Variants in COL22A1 observed in about 807,000 individuals in gnomAD.
COL22A1 encodes the protein collagen alpha-1(XXII) chain.
A neutral mutation model predicts 248.9 loss-of-function variants in COL22A1; 221 were observed. The ratio of observed to expected loss-of-function variants is 0.89; its 90% CI spans 0.80 to 0.99. The LOEUF is 0.99. Ranked by LOEUF, COL22A1 falls within the 50% of genes least tolerant of loss-of-function variation. COL22A1 has a pLI of 0.00. For synonymous variants in COL22A1, 891 were observed against 793.4 expected (o/e 1.12, Z -2.07); for missense variants, 2,240 against 2,179.0 (o/e 1.03, Z -0.56).
chr8:138,602,880 G>T (rs964561072), intron 59 of COL22A1, among the ~76,000 whole-genome samples: 11 of 152,148 alleles, frequency 7.2e-5, no homozygotes, highest in African/African-American at 2.7e-4. Flanking sequence ...CCATTCTCAC[G>T]CATGGGTTAC....
In COL22A1 at chr8:138,753,242, G is replaced by A. The variant is rs78518864; in HGVS notation, c.2032-1731C>T. Among the ~76,000 whole-genome samples, 1,378 of 152,314 alleles carry A rather than the reference G, an allele frequency of 9.0e-3. 23 individuals carry two copies. The highest frequency in any genetic ancestry group is 0.031 in the African/African-American group (1,295 of 41,568). On this transcript the variant is annotated intron_variant, in intron 21 of 64. Transcript: ENST00000303045. ...CGCAGGGCTAGCTCTACAAGCGTGT[G>A]TTAAGTTCCCACCATGTGATAAACC...
chr8:138,619,977 C>G (rs1442940268), intron 52 of COL22A1: 2 of 174,126 alleles, frequency 1.1e-5, no homozygotes, highest in East Asian at 3.1e-4. Flanking sequence ...CACACCTAAG[C>G]GGATGCTCTT....
chr8:138,839,440 C>T (rs992922811), intron 4 of COL22A1, among the ~76,000 whole-genome samples: 1 of 152,118 alleles, frequency 6.6e-6, no homozygotes, highest in African/African-American at 2.4e-5. Context: ...GGAGAAATAC[C>T]ATCTGGTTTC....
intron 11 of COL22A1, among the ~76,000 whole-genome samples, chr8:138,800,819 G>A (rs1392150852): frequency 6.6e-6 from 1 of 152,162 alleles, no homozygotes; most frequent in Non-Finnish European, 1.5e-5. Context: ...GTGACAGCAC[G>A]TGTCCTAAAG....
intron 35 of COL22A1, among the ~76,000 whole-genome samples, chr8:138,693,140 G>A (rs991598912): frequency 6.6e-6 from 1 of 152,182 alleles, no homozygotes; most frequent in African/African-American, 2.4e-5. Context: ...AGCCCCACGG[G>A]GATCAAATAC....
chr8:138,771,132 G>A (rs1476583938), intron 16 of COL22A1, among the ~76,000 whole-genome samples: 1 of 152,184 alleles, frequency 6.6e-6, no homozygotes, highest in East Asian at 1.9e-4. Flanking sequence ...CTCTAGCCAC[G>A]GCCACGTCAC....
At chr8:138,672,935 G>A (rs934744954) in intron 41 of COL22A1, among the ~76,000 whole-genome samples, 1 of 152,168 alleles carries the variant, frequency 6.6e-6, no homozygotes, top group Non-Finnish European at 1.5e-5. Flanking sequence ...GCCTAAGGAG[G>A]CTCATTTTGT....
chr8:138,878,434 C>T (rs552028727), intron 2 of COL22A1, 118 bp from the exon 3 acceptor site: 3 of 886,792 alleles, frequency 3.4e-6, no homozygotes, highest in East Asian at 2.9e-5. Context: ...TGCCCTGTCT[C>T]TCATGACCCA....
chr8:138,765,119 C>T (rs1038070060), intron 16 of COL22A1, among the ~76,000 whole-genome samples: 7 of 152,184 alleles, frequency 4.6e-5, no homozygotes, highest in Non-Finnish European at 1.0e-4. Context: ...CAAGCACCAA[C>T]AAGAAATGAG....
chr8:138,837,283 C>A (rs1051185501), intron 4 of COL22A1, among the ~76,000 whole-genome samples: 2 of 152,210 alleles, frequency 1.3e-5, no homozygotes, highest in African/African-American at 4.8e-5. Flanking sequence ...CTCCAGAGTG[C>A]ATGACTGGGA....
chr8:138,899,869 C>T (rs568364954), intron 1 of COL22A1, among the ~76,000 whole-genome samples: 1 of 152,268 alleles, frequency 6.6e-6, no homozygotes, highest in South Asian at 2.1e-4. Flanking sequence ...ATCCCTGACA[C>T]TTACCATTGG....
intron 47 of COL22A1, among the ~76,000 whole-genome samples, chr8:138,643,077 G>A (rs1457298689): frequency 6.6e-6 from 1 of 150,984 alleles, no homozygotes; most frequent in Non-Finnish European, 1.5e-5. Context: ...GCTAAGCCCA[G>A]CAGCCAGCAA....
chr8:138,719,209 T>C (rs1184898619), intron 27 of COL22A1, among the ~76,000 whole-genome samples: 1 of 152,042 alleles, frequency 6.6e-6, no homozygotes, highest in Non-Finnish European at 1.5e-5. Flanking sequence ...TAAGACCATG[T>C]GATTCACTCC....
At chr8:138,860,904 C>A (rs1023539443) in intron 3 of COL22A1, among the ~76,000 whole-genome samples, 1 of 152,194 alleles carries the variant, frequency 6.6e-6, no homozygotes, top group Admixed American at 6.5e-5. Flanking sequence ...GGCTCTGCAC[C>A]CAGGAGTTTG....
At chr8:138,821,105 C>A in intron 7 of COL22A1, 31 bp downstream of exon 7, 1 of 1,604,112 alleles carries the variant, frequency 6.2e-7, no homozygotes, top group Non-Finnish European at 8.5e-7. Flanking sequence ...TGGCCTGGAA[C>A]CTGGGCTGCA....
chr8:138,778,514 C>A (rs1814682312), intron 14 of COL22A1, 108 bp from the exon 15 acceptor site: 1 of 974,158 alleles, frequency 1.0e-6, no homozygotes, highest in South Asian at 1.7e-5. Flanking sequence ...TGCTAGCTCA[C>A]CTCTCACCAA....
At chr8:138,690,228 T>A (rs1405861413) in intron 36 of COL22A1, among the ~76,000 whole-genome samples, 1 of 152,212 alleles carries the variant, frequency 6.6e-6, no homozygotes, top group African/African-American at 2.4e-5. Context: ...CTTGACTAGA[T>A]GTCATGGAGT....
intron 30 of COL22A1, among the ~76,000 whole-genome samples, chr8:138,713,564 G>A (rs1049950271): frequency 1.3e-5 from 2 of 152,182 alleles, no homozygotes; most frequent in African/African-American, 4.8e-5. Flanking sequence ...TCTCGTGCAT[G>A]TGCGGTTTTG....
chr8:138,911,844 G>A (rs979595101), intron 1 of COL22A1, among the ~76,000 whole-genome samples: 2 of 152,170 alleles, frequency 1.3e-5, no homozygotes, highest in African/African-American at 4.8e-5. Context: ...TTTAAAGGAT[G>A]CATGGATCCC....
Sources: gnomAD v4.1 joint callset for allele counts (sites outside exome capture counted in the v4.1 genomes callset) on GRCh38, gnomAD v4.1.1 for gene constraint, MANE v1.5 for transcripts, NCBI Gene and HGNC (gene_info 2026-07-23, HGNC 2026-07-21) for gene names.